SEPHS1: variants seen among roughly 807,000 people sequenced by gnomAD.
SEPHS1 encodes the protein zincore component SEPHS1.
SEPHS1 carries 7 observed loss-of-function variants against 39.2 expected under a neutral mutation model. That is an observed-to-expected ratio of 0.18 (90% CI 0.10 to 0.34). The LOEUF (loss-of-function observed/expected upper bound fraction) is 0.34. SEPHS1 is among the 10% of genes least tolerant of loss of function. The pLI is 1.00. For synonymous variants in SEPHS1, 190 were observed against 195.5 expected (o/e 0.97, Z 0.23); for missense variants, 253 against 514.5 (o/e 0.49, Z 4.92).
chr10:13,338,324 C>G (rs1293539096), intron 3 of SEPHS1, among the ~76,000 whole-genome samples: 2 of 152,218 alleles, frequency 1.3e-5, no homozygotes, highest in Non-Finnish European at 2.9e-5. Flanking sequence ...AGGACAGTAA[C>G]ATCTCCAGCC....
intron 2 of SEPHS1, among the ~76,000 whole-genome samples, chr10:13,342,139 C>T (rs1236924822): frequency 3.3e-5 from 5 of 151,350 alleles, no homozygotes; most frequent in African/African-American, 4.9e-5. Flanking sequence ...TGGTGGCGGG[C>T]GCCTGTAGTC....
chr10:13,340,129 C>T (rs1036853585), intron 2 of SEPHS1, among the ~76,000 whole-genome samples: 4 of 152,086 alleles, frequency 2.6e-5, no homozygotes, highest in African/African-American at 9.7e-5. Context: ...GGCCGTGAAG[C>T]ACTGCCTCAC....
intron 7 of SEPHS1, among the ~76,000 whole-genome samples, chr10:13,323,743 CTT>C (rs111687891): frequency 1.7e-4 from 25 of 143,122 alleles, no homozygotes; most frequent in Admixed American, 3.5e-4. Flanking sequence ...AAATTTCTTT[CTT>C]TTTTTTTTTT....
rs1388282889 is a variant in SEPHS1 at position 13,317,827 on chromosome 10, A to G, written c.*1315T>C. The G allele has an allele frequency of 6.6e-6, 1 of 152,188 alleles. No individual in the cohort carries two copies. Among genetic ancestry groups the G allele is most frequent in the Non-Finnish European group, 1.5e-5 (1 of 68,030 alleles). 9.4% of individuals were successfully genotyped at this position (152,188 alleles called of 1,614,324 possible). ...CAGCGCCCTTGTGCTTAATGACAGG[A>G]ATCCCTCCTCATTGCTTAGTAGGTT... is the stretch of plus-strand genomic sequence containing the variant. On this transcript the variant is annotated 3_prime_UTR_variant, in exon 9 of 9. Transcript: ENST00000327347.
At chr10:13,342,524 T>C (rs371351830) in intron 2 of SEPHS1, among the ~76,000 whole-genome samples, 1 of 151,922 alleles carries the variant, frequency 6.6e-6, no homozygotes, top group South Asian at 2.1e-4. Flanking sequence ...AAGCGGAGGT[T>C]GCAGTGAGCT....
chr10:13,338,552 G>C (rs922161021), intron 3 of SEPHS1, among the ~76,000 whole-genome samples, 153 bp downstream of exon 3: 4 of 152,186 alleles, frequency 2.6e-5, no homozygotes, highest in Admixed American at 2.6e-4. Context: ...CCTGACTTCA[G>C]CAACTGCAGG....
chr10:13,333,149 T>C (rs1240699858), intron 5 of SEPHS1, among the ~76,000 whole-genome samples: 1 of 144,374 alleles, frequency 6.9e-6, no homozygotes, highest in Non-Finnish European at 1.5e-5. Flanking sequence ...TTTTTTTTTT[T>C]TGAGATGGAG....
chr10:13,336,723 G>A (rs1833647145), intron 3 of SEPHS1, among the ~76,000 whole-genome samples: 1 of 152,194 alleles, frequency 6.6e-6, no homozygotes, highest in South Asian at 2.1e-4. Context: ...AAGAGCTATG[G>A]AGCGAAAAAG....
At position 13,336,106 on chromosome 10, in the gene SEPHS1, G is replaced by T. The variant is rs114434944; in HGVS notation, c.405+137C>A. 7.6e-3 allele frequency: 4,176 copies of T among 549,306 alleles called. 58 individuals are homozygous for T. The highest frequency in any genetic ancestry group is 0.031 in the South Asian group (1,049 of 34,056). 34.0% of individuals were successfully genotyped at this position (549,306 alleles called of 1,614,324 possible). A position where few individuals can be genotyped will look rare whatever the true frequency, so the allele number is the denominator to read the frequency against. On this transcript the variant is annotated intron_variant, in intron 4 of 8. Coordinates refer to ENST00000327347, the MANE Select transcript of SEPHS1 (RefSeq NM_012247.5). ...TTAATTTACTGGTAACTGCCAAAAA[G>T]TGGAGAGCCAGAAGGAGTGCAGGGA...
chr10:13,321,350 G>C (rs1588531102), intron 8 of SEPHS1, among the ~76,000 whole-genome samples: 1 of 151,956 alleles, frequency 6.6e-6, no homozygotes, highest in Non-Finnish European at 1.5e-5. Flanking sequence ...GGGTTCAAGC[G>C]ATTCTCCTGC....
intron 7 of SEPHS1, among the ~76,000 whole-genome samples, chr10:13,323,910 G>C (rs1033464825): frequency 2.0e-5 from 3 of 151,936 alleles, no homozygotes; most frequent in Admixed American, 6.6e-5. Context: ...CCATACTACA[G>C]ATACACTACA....
intron 7 of SEPHS1, among the ~76,000 whole-genome samples, chr10:13,327,403 C>T (rs1431545243): frequency 3.3e-5 from 5 of 152,038 alleles, no homozygotes; most frequent in African/African-American, 1.2e-4. Context: ...TAGTAAATCA[C>T]CAGCCAAACA....
intron 1 of SEPHS1, among the ~76,000 whole-genome samples, chr10:13,347,569 C>T (rs1012999486): frequency 4.1e-5 from 6 of 147,086 alleles, no homozygotes; most frequent in Admixed American, 3.4e-4. Flanking sequence ...ACGCACCCGC[C>T]CCGGGTCGAC....
rs529501159 is a variant in SEPHS1, at chr10:13,324,032, G to C, written c.752-985C>G. Among the ~76,000 whole-genome samples the C allele has an allele frequency of 2.4e-4, 37 of 152,058 alleles. No individual in the cohort carries two copies. The South Asian group carries it at 2.7e-3, about 11-fold the overall frequency. On this transcript the variant is annotated intron_variant, in intron 7 of 8. Transcript: ENST00000327347. ...ACTTTATTTTTTGGAGCAGTTTTGC[G>C]TTTAGAAAGAAATTAAGTGGGAAGT...
intron 6 of SEPHS1, 149 bp downstream of exon 6, chr10:13,329,549 T>A: frequency 1.7e-6 from 1 of 582,430 alleles, no homozygotes; most frequent in Non-Finnish European, 3.0e-6. Context: ...TTAAAGACTA[T>A]GAACAATTCC....
intron 4 of SEPHS1, among the ~76,000 whole-genome samples, chr10:13,335,898 T>A (rs1336138639): frequency 3.3e-5 from 5 of 149,680 alleles, no homozygotes; most frequent in Non-Finnish European, 5.9e-5. Flanking sequence ...GAGAATTGTT[T>A]GAACCCGGGA....
At chr10:13,327,337 ATATACTAACCATTACATAGTGAAAACT>A (rs1337745213) in intron 7 of SEPHS1, among the ~76,000 whole-genome samples, 1 of 151,986 alleles carries the variant, frequency 6.6e-6, no homozygotes, top group African/African-American at 2.4e-5. Context: ...CTCCAAATAC[ATATACTAACCATTACATAGTGAAAACT>A]TATACTAACC....
chr10:13,339,682 C>T (rs1833733723), intron 2 of SEPHS1, among the ~76,000 whole-genome samples: 2 of 152,134 alleles, frequency 1.3e-5, no homozygotes, highest in Admixed American at 1.3e-4. Flanking sequence ...ATGCTCAAAT[C>T]CCTGATTTGA....
chr10:13,332,842 C>CAA (rs113720110), intron 5 of SEPHS1, among the ~76,000 whole-genome samples: 18 of 104,274 alleles, frequency 1.7e-4, no homozygotes, highest in African/African-American at 5.1e-4. Context: ...GACTCCGTCT[C>CAA]AAAAAAAAAA....
Sources: gnomAD v4.1 joint callset for allele counts (sites outside exome capture counted in the v4.1 genomes callset) on GRCh38, gnomAD v4.1.1 for gene constraint, MANE v1.5 for transcripts, NCBI Gene and HGNC (gene_info 2026-07-23, HGNC 2026-07-21) for gene names.